Variants in FAM174B observed in about 807,000 individuals in gnomAD.
FAM174B encodes membrane protein FAM174B.
Under a neutral mutation model 10.9 loss-of-function variants are expected in FAM174B, and 12 were observed. The ratio of observed to expected loss-of-function variants is 1.10; its 90% CI spans 0.71 to 1.79. The LOEUF is 1.79. Ranked by LOEUF, FAM174B falls within the 40% of genes most tolerant of loss-of-function variation. The pLI is 0.00. For missense variants in FAM174B, 266 were observed against 233.3 expected (o/e 1.14, Z -0.91); for synonymous variants, 132 against 115.8 (o/e 1.14, Z -0.90).
chr15:92,632,968 C>T (rs12908630), intron 1 of FAM174B, among the ~76,000 whole-genome samples: 64,540 of 152,030 alleles, frequency 0.42, 16,973 homozygotes, highest in Non-Finnish European at 0.57. Flanking sequence ...AGGTCTAGGA[C>T]GCCACTGGGA....
intron 1 of FAM174B, among the ~76,000 whole-genome samples, chr15:92,640,817 G>A (rs2050886719): frequency 6.6e-6 from 1 of 151,596 alleles, no homozygotes; most frequent in African/African-American, 2.4e-5. Context: ...GCCAATTTTT[G>A]TATTTTTAGT....
rs561099569 is a variant in FAM174B at position 92,629,983 on chromosome 15, A to C, written c.476+231T>G. Among the ~76,000 whole-genome samples the C allele has an allele frequency of 2.0e-5, 3 of 152,266 alleles. No homozygotes were observed. In the South Asian group the frequency reaches 6.2e-4, roughly 32 times the overall value. On this transcript the variant is annotated intron_variant, in intron 2 of 2. Coordinates refer to ENST00000327355, the MANE Select transcript of FAM174B (RefSeq NM_207446.3). ...GTGAGGCCTCTGCAGCCATGTGGAA[A>C]TGTGAGTCAATTAAACCTCTCTTTA...
intron 2 of FAM174B, among the ~76,000 whole-genome samples, chr15:92,627,664 G>A (rs74029160): frequency 1.0e-3 from 152 of 152,272 alleles, no homozygotes; most frequent in African/African-American, 3.4e-3. Flanking sequence ...TGCTTCCCAC[G>A]GAGTTAGTTC....
chr15:92,638,508 A>T (rs537264562), intron 1 of FAM174B, among the ~76,000 whole-genome samples: 1 of 152,182 alleles, frequency 6.6e-6, no homozygotes. Flanking sequence ...CGAAGAGAAT[A>T]AAACAGGACT....
intron 1 of FAM174B, among the ~76,000 whole-genome samples, chr15:92,632,171 C>T (rs1445135706): frequency 6.6e-6 from 1 of 152,200 alleles, no homozygotes; most frequent in African/African-American, 2.4e-5. Flanking sequence ...ATTTTGTTTC[C>T]ATCATGAGGA....
chr15:92,644,006 G>C (rs908705534), intron 1 of FAM174B, among the ~76,000 whole-genome samples: 2 of 152,152 alleles, frequency 1.3e-5, no homozygotes, highest in African/African-American at 4.8e-5. Context: ...CCAATGCTCT[G>C]AGGACACAGA....
intron 1 of FAM174B, among the ~76,000 whole-genome samples, chr15:92,653,761 T>C (rs568529567): frequency 1.3e-5 from 2 of 152,298 alleles, no homozygotes; most frequent in South Asian, 2.1e-4. Context: ...TTGTAGAATA[T>C]AGAGGCAAGA....
chr15:92,635,336 C>A (rs868034809), intron 1 of FAM174B, among the ~76,000 whole-genome samples: 3 of 152,176 alleles, frequency 2.0e-5, no homozygotes, highest in South Asian at 2.1e-4. Context: ...TGAAACACAA[C>A]TCTCTTTACA....
intron 2 of FAM174B, among the ~76,000 whole-genome samples, chr15:92,629,754 C>T (rs1050215106): frequency 2.0e-5 from 3 of 152,090 alleles, no homozygotes; most frequent in East Asian, 3.9e-4. Flanking sequence ...CTGTAGCTCC[C>T]ACAATTCCCA....
At chr15:92,640,631 A>T (rs980771547) in intron 1 of FAM174B, among the ~76,000 whole-genome samples, 1 of 148,790 alleles carries the variant, frequency 6.7e-6, no homozygotes, top group Non-Finnish European at 1.5e-5. Context: ...CTCATCATAA[A>T]TTTTGGTTTT....
At chr15:92,645,314 T>C (rs1036742722) in intron 1 of FAM174B, among the ~76,000 whole-genome samples, 1 of 152,254 alleles carries the variant, frequency 6.6e-6, no homozygotes, top group Non-Finnish European at 1.5e-5. Context: ...AGGATGGGCA[T>C]GCAGCACACA....
At chr15:92,642,181 A>G (rs577200470) in intron 1 of FAM174B, among the ~76,000 whole-genome samples, 2 of 152,364 alleles carry the variant, frequency 1.3e-5, no homozygotes, top group East Asian at 1.9e-4. Flanking sequence ...TGGTGAGGAT[A>G]TAAGAAATCA....
chr15:92,654,293 G>C (rs948233627), intron 1 of FAM174B, among the ~76,000 whole-genome samples: 38 of 152,174 alleles, frequency 2.5e-4, no homozygotes, highest in Non-Finnish European at 4.9e-4. Flanking sequence ...TGCCACAGCT[G>C]ATCAAACACC....
Position 92,630,271 on chromosome 15 carries a change from G to A in FAM174B, c.419C>T (p.Pro140Leu). The A allele has an allele frequency of 6.2e-7, 1 of 1,613,722 alleles. No individual in the cohort carries two copies. The highest frequency in any genetic ancestry group is 8.5e-7 in the Non-Finnish European group (1 of 1,179,780). ...TTPAERVEMA[P>L]LNEEDDEDED... ...ATCTTCATCATCCTCTTCATTTAGT[G>A]GCGCCATTTCCACTCGCTCTGCTGG... Residue 140 changes from proline (P) to leucine (L), a missense_variant, in exon 2 of 3, where the codon CCA (proline) becomes CTA (leucine). Coordinates refer to ENST00000327355, the MANE Select transcript of FAM174B (RefSeq NM_207446.3).
chr15:92,653,146 T>C (rs1003614822), intron 1 of FAM174B: 10 of 152,178 alleles, frequency 6.6e-5, no homozygotes, highest in African/African-American at 1.9e-4. Flanking sequence ...CCTAACAAGA[T>C]TGCCTTCCTG....
At chr15:92,647,618 T>C (rs1448409183) in intron 1 of FAM174B, among the ~76,000 whole-genome samples, 1 of 152,176 alleles carries the variant, frequency 6.6e-6, no homozygotes, top group Non-Finnish European at 1.5e-5. Flanking sequence ...ATCATAAGAC[T>C]GGCAAAACAA....
intron 2 of FAM174B, among the ~76,000 whole-genome samples, chr15:92,626,114 ATTTT>A (rs67649021): frequency 1.3e-4 from 14 of 105,076 alleles, no homozygotes; most frequent in Admixed American, 2.1e-4. Flanking sequence ...AGGTTGCTGG[ATTTT>A]TTTTTTTTTT....
At position 92,655,687 on chromosome 15, in the gene FAM174B, C is replaced by A. The variant is rs760913085; in HGVS notation, c.-28G>T. On this transcript the variant is annotated 5_prime_UTR_variant, in exon 1 of 3. Transcript: ENST00000327355. ...TGCGGTGGGTCGGCACAGGATCGGGCAGGGCGCGCGCGGCTGAGCTCCAGG... is the reference window on the plus strand; with the variant it reads ...TGCGGTGGGTCGGCACAGGATCGGGAAGGGCGCGCGCGGCTGAGCTCCAGG... 6 of 1,238,422 alleles carry A rather than the reference C, an allele frequency of 4.8e-6. No homozygotes were observed. The highest frequency in any genetic ancestry group is 6.0e-6 in the Non-Finnish European group (6 of 992,002). The allele number at this position is 1,238,422 out of a possible 1,614,324, so 76.7% of individuals were successfully genotyped here. A position where few individuals can be genotyped will look rare whatever the true frequency, so the allele number is the denominator to read the frequency against.
At chr15:92,630,379 G>A (rs747504675) in intron 1 of FAM174B, 34 bp from the exon 2 acceptor site, 22 of 1,579,786 alleles carry the variant, frequency 1.4e-5, no homozygotes, top group Non-Finnish European at 1.6e-5. Flanking sequence ...TGAGAACACA[G>A]CTGGGAGAGA....
Sources: gnomAD v4.1 joint callset for allele counts (sites outside exome capture counted in the v4.1 genomes callset) on GRCh38, gnomAD v4.1.1 for gene constraint, MANE v1.5 for transcripts, NCBI Gene and HGNC (gene_info 2026-07-23, HGNC 2026-07-21) for gene names.